GRIK4: variants seen among roughly 807,000 people sequenced by gnomAD.
The protein encoded by GRIK4 is glutamate ionotropic receptor kainate type subunit 4, also known as glutamate receptor ionotropic, kainate 4.
A neutral mutation model predicts 104.9 loss-of-function variants in GRIK4; 40 were observed. The ratio of observed to expected loss-of-function variants is 0.38; its 90% confidence interval spans 0.30 to 0.50. The LOEUF is 0.50. GRIK4 is among the 20% of genes least tolerant of loss of function. GRIK4 has a pLI of 0.93. For synonymous variants in GRIK4, 485 were observed against 524.9 expected (o/e 0.92, Z 1.04); for missense variants, 1,047 against 1,308.1 (o/e 0.80, Z 3.08).
intron 3 of GRIK4, among the ~76,000 whole-genome samples, chr11:120,683,893 C>T (rs1350386265): frequency 1.3e-5 from 2 of 152,200 alleles, no homozygotes; most frequent in South Asian, 2.1e-4. Context: ...CTGGAGTACC[C>T]GTTTGCCAGG....
intron 1 of GRIK4, among the ~76,000 whole-genome samples, chr11:120,519,089 G>T (rs1396959551): frequency 6.6e-6 from 1 of 152,216 alleles, no homozygotes; most frequent in East Asian, 1.9e-4. Flanking sequence ...TGGGCTCTGT[G>T]GGGGCACGGA....
At chr11:120,730,110 T>A (rs1951102221) in intron 3 of GRIK4, among the ~76,000 whole-genome samples, 1 of 152,162 alleles carries the variant, frequency 6.6e-6, no homozygotes, top group African/African-American at 2.4e-5. Context: ...ATCCTAGCAC[T>A]TCTGGAGGCT....
intron 3 of GRIK4, among the ~76,000 whole-genome samples, chr11:120,703,719 A>G (rs533847251): frequency 1.3e-5 from 2 of 152,042 alleles, no homozygotes; most frequent in East Asian, 1.9e-4. Flanking sequence ...TGTTACTTAA[A>G]CTTGTTTTTG....
chr11:120,897,269 T>C (rs751728730), intron 11 of GRIK4, among the ~76,000 whole-genome samples: 1 of 152,094 alleles, frequency 6.6e-6, no homozygotes, highest in East Asian at 1.9e-4. Flanking sequence ...TTGTGGATTT[T>C]TTTCACCTGG....
At chr11:120,928,480 A>G (rs1943403263) in intron 13 of GRIK4, among the ~76,000 whole-genome samples, 2 of 152,152 alleles carry the variant, frequency 1.3e-5, no homozygotes, top group Admixed American at 1.3e-4. Flanking sequence ...TCGGGATTCA[A>G]ACATGCATCT....
At chr11:120,768,196 CATTT>C (rs911940542) in intron 3 of GRIK4, among the ~76,000 whole-genome samples, 9 of 151,900 alleles carry the variant, frequency 5.9e-5, no homozygotes, top group African/African-American at 1.7e-4. Context: ...GATATCTTTC[CATTT>C]ATTTGTTTAT....
chr11:120,737,554 A>C (rs765444912), intron 3 of GRIK4, among the ~76,000 whole-genome samples: 21 of 152,226 alleles, frequency 1.4e-4, no homozygotes, highest in Non-Finnish European at 2.1e-4. Flanking sequence ...GAGAAATTCC[A>C]TTGGGCAAAC....
chr11:120,579,562 A>T (rs1017103529), intron 1 of GRIK4, among the ~76,000 whole-genome samples: 1 of 152,152 alleles, frequency 6.6e-6, no homozygotes, highest in Non-Finnish European at 1.5e-5. Flanking sequence ...TAAGCAGGGG[A>T]GTGACAGTAT....
At chr11:120,600,080 G>T (rs1948864017) in intron 1 of GRIK4, among the ~76,000 whole-genome samples, 1 of 152,222 alleles carries the variant, frequency 6.6e-6, no homozygotes, top group Non-Finnish European at 1.5e-5. Context: ...GAAGCCCTTG[G>T]GTGGAAGGTT....
intron 11 of GRIK4, 97 bp from the exon 12 acceptor site, chr11:120,898,435 C>T: frequency 1.4e-6 from 1 of 719,378 alleles, no homozygotes; most frequent in Non-Finnish European, 2.5e-6. Context: ...CCTCCCTGCT[C>T]ACATGCAGCC....
At chr11:120,900,555 A>G (rs945621509) in intron 12 of GRIK4, among the ~76,000 whole-genome samples, 2 of 152,356 alleles carry the variant, frequency 1.3e-5, no homozygotes, top group Middle Eastern at 3.4e-3. Context: ...TTGTCAAACA[A>G]TGAATTAGAA....
At chr11:120,874,527 C>T (rs1330303821) in intron 10 of GRIK4, among the ~76,000 whole-genome samples, 1 of 152,198 alleles carries the variant, frequency 6.6e-6, no homozygotes, top group Admixed American at 6.5e-5. Context: ...GCGGTGTTCT[C>T]AGCAAAGCTC....
At chr11:120,945,401 G>A (rs906050535) in intron 14 of GRIK4, among the ~76,000 whole-genome samples, 3 of 152,168 alleles carry the variant, frequency 2.0e-5, no homozygotes, top group Non-Finnish European at 2.9e-5. Context: ...TAAGGGAAAG[G>A]TACCCTCTTG....
intron 13 of GRIK4, among the ~76,000 whole-genome samples, chr11:120,928,213 T>TAAAAAA (rs5795252): frequency 7.9e-6 from 1 of 126,348 alleles, no homozygotes; most frequent in African/African-American, 3.0e-5. Flanking sequence ...GACTCCGTCT[T>TAAAAAA]AAAAAAAAAA....
In GRIK4 at chr11:120,905,422, G is replaced by A; in HGVS notation, c.1405G>A (p.Gly469Arg). The change falls in exon 13 of 21, where the codon GGG (glycine) becomes AGG (arginine). Residue 469 changes from glycine to arginine, a missense_variant. Gly to Arg is a moderately radical substitution (Grantham distance 125). Coordinates refer to ENST00000527524, the MANE Select transcript of GRIK4 (RefSeq NM_014619.5). This position sits in a 1 kb window ranked among gnomAD's most constrained non-coding sequence, Gnocchi z 5.1. ...LRFNYKIRLVGDGVYGVPEAN... is the reference protein window; with the variant it reads ...LRFNYKIRLVRDGVYGVPEAN... ...ATTCAACTACAAGATCCGCCTGGTT[G>A]GGGATGGCGTGTACGGCGTTCCCGA... 6.2e-7 allele frequency: 1 copy of A among 1,613,986 alleles called. No individual in the cohort carries two copies. The highest frequency in any genetic ancestry group is 8.5e-7 in the Non-Finnish European group (1 of 1,179,898).
chr11:120,910,617 C>G (rs1942969689), intron 13 of GRIK4, among the ~76,000 whole-genome samples: 1 of 152,192 alleles, frequency 6.6e-6, no homozygotes, highest in Non-Finnish European at 1.5e-5. Flanking sequence ...AGCAGATGCC[C>G]CAGGACTAAT....
chr11:120,589,495 C>T (rs374025772), intron 1 of GRIK4, among the ~76,000 whole-genome samples: 1 of 152,188 alleles, frequency 6.6e-6, no homozygotes, highest in Admixed American at 6.5e-5. Flanking sequence ...GGAACCTCCA[C>T]GCTGCTGGCC....
intron 3 of GRIK4, among the ~76,000 whole-genome samples, chr11:120,677,262 G>A (rs1950112868): frequency 6.6e-6 from 1 of 152,178 alleles, no homozygotes; most frequent in African/African-American, 2.4e-5. Flanking sequence ...TGTGATCTGA[G>A]CCTGTGTTGT....
intron 3 of GRIK4, among the ~76,000 whole-genome samples, chr11:120,664,095 T>A (rs1263107819): frequency 6.6e-6 from 1 of 152,224 alleles, no homozygotes; most frequent in Non-Finnish European, 1.5e-5. Flanking sequence ...ATGTGATGGA[T>A]AGATGAATCC....
Sources: gnomAD v4.1 joint callset for allele counts (sites outside exome capture counted in the v4.1 genomes callset) on GRCh38, gnomAD v4.1.1 for gene constraint, Gnocchi (gnomAD v3.1) non-coding constraint, MANE v1.5 for transcripts, NCBI Gene and HGNC (gene_info 2026-07-23, HGNC 2026-07-21) for gene names.